CHERP: variants seen among roughly 807,000 people sequenced by gnomAD.
CHERP encodes ERPROT 213-21.
In CHERP, 8 loss-of-function variants were observed where a neutral mutation model predicts 113.8. The observed-to-expected ratio is 0.07, with a 90% CI of 0.04 to 0.13. The LOEUF is 0.13. CHERP is among the 10% of genes least tolerant of loss of function. The pLI is 1.00. For synonymous variants in CHERP, 559 were observed against 524.5 expected, an observed-to-expected ratio of 1.07 and a Z score of -0.90; for missense variants, 884 against 1,298.2, an observed-to-expected ratio of 0.68 and a Z score of 4.90.
rs376460671 is a variant in CHERP at position 16,530,573 on chromosome 19, A to C, written c.876+12T>G. 5.3e-4 allele frequency: 853 copies of C among 1,612,322 alleles called. 1 individual carries two copies. Among genetic ancestry groups the C allele is most frequent in the Non-Finnish European group, 7.1e-4 (837 of 1,178,558 alleles). On this transcript the variant is annotated intron_variant, in intron 7 of 16. Transcript: ENST00000546361. The surrounding 1 kb of genome is among the most constrained non-coding windows in gnomAD (Gnocchi z 4.1). ...GCTCTAGGGTGAGGTGTGGGTGGGC[A>C]GGGACACTCACCTGGTACTGACCAA...
chr19:16,521,460 G>C, intron 12 of CHERP, 61 bp downstream of exon 12: 1 of 1,448,616 alleles, frequency 6.9e-7, no homozygotes, highest in South Asian at 1.4e-5. Flanking sequence ...AGGTGTGGTT[G>C]CAGGGAGCCG....
At position 16,519,010 on chromosome 19, in the gene CHERP, T is replaced by C. The variant is rs761523635; in HGVS notation, c.*149A>G. ...TGGAGCACGGCGTTCCCACTGGGCA[T>C]GCGCTGGTCTTCCTTCTCTTCCTGT... On this transcript the variant is annotated 3_prime_UTR_variant, in exon 17 of 17. Coordinates refer to ENST00000546361, the MANE Select transcript of CHERP (RefSeq NM_006387.6). The surrounding 1 kb of genome is among the most constrained non-coding windows in gnomAD (Gnocchi z 6.0). 32 of 750,986 alleles carry C rather than the reference T, an allele frequency of 4.3e-5. No individual in the cohort carries two copies. The highest frequency in any genetic ancestry group is 1.1e-4 in the South Asian group (6 of 53,982). 46.5% of individuals were successfully genotyped at this position (750,986 alleles called of 1,614,324 possible).
At position 16,530,884 on chromosome 19, in the gene CHERP, T is replaced by C. The variant is rs1227090986; in HGVS notation, c.675-4A>G. The C allele has an allele frequency of 1.2e-6, 2 of 1,612,640 alleles. No individual in the cohort carries two copies. The highest frequency in any genetic ancestry group is 2.2e-5 in the East Asian group (1 of 44,874). On this transcript the variant is annotated splice_region_variant and splice_polypyrimidine_tract_variant and intron_variant, in intron 5 of 16. Transcript: ENST00000546361. The surrounding 1 kb of genome is among the most constrained non-coding windows in gnomAD (Gnocchi z 4.1). ...CTCCCGGGCCTGCTTGCGCTGGCTG[T>C]GAGGGAGAGACTTTCCGCGCGTCAG... is the stretch of plus-strand genomic sequence containing the variant.
chr19:16,521,403 AG>A, intron 12 of CHERP, 117 bp downstream of exon 12: 1 of 869,392 alleles, frequency 1.2e-6, no homozygotes, highest in Non-Finnish European at 1.7e-6. Context: ...AGGCGGGGGG[AG>A]GGCAGTTTCT....
Position 16,530,804 on chromosome 19 carries a change from C to G in CHERP, c.751G>C (p.Ala251Pro). 6.2e-7 allele frequency: 1 copy of G among 1,614,000 alleles called. No homozygotes were observed. The highest frequency in any genetic ancestry group is 8.5e-7 in the Non-Finnish European group (1 of 1,179,996). ...VVPIYCTSFLAVEEDKQQKIA... is the reference protein window; with the variant it reads ...VVPIYCTSFLPVEEDKQQKIA... Reference sequence around the variant, plus strand: ...TTCTGCTGCTTGTCTTCCTCCACGGCCAAGAAGCTGGTGCAGTAGATGGGC... The same window carrying G: ...TTCTGCTGCTTGTCTTCCTCCACGGGCAAGAAGCTGGTGCAGTAGATGGGC... Residue 251 changes from alanine (A) to proline (P), a missense_variant, in exon 6 of 17, where the codon GCC becomes CCC. By Grantham distance (27) the Ala-to-Pro change is conservative. This residue lies in a region of CHERP where 73 missense variants were observed against 182.4 expected (regional missense o/e 0.40). Transcript: ENST00000546361. The surrounding 1 kb of genome is among the most constrained non-coding windows in gnomAD (Gnocchi z 4.1).
At chr19:16,521,261 C>T (rs913964769) in intron 12 of CHERP, 14 of 567,322 alleles carry the variant, frequency 2.5e-5, no homozygotes, top group African/African-American at 1.9e-4. Context: ...GGCTGAGGGC[C>T]CTGTGGCAGC....
rs377203890 is a variant in CHERP at position 16,523,019 on chromosome 19, G to A, written c.1980+33C>T. The A allele has an allele frequency of 2.7e-5, 41 of 1,492,208 alleles. No homozygotes were observed. In the Middle Eastern group the frequency reaches 5.4e-4, roughly 19 times the overall value. The allele number at this position is 1,492,208 out of a possible 1,614,324, so 92.4% of individuals were successfully genotyped here. ...AGAAACGGGGACCAGTATGGTAAGC[G>A]TGCTCAGCTTGGAGCCCACTGTGGG... On this transcript the variant is annotated intron_variant, in intron 11 of 16. Transcript: ENST00000546361. This position sits in a 1 kb window ranked among gnomAD's most constrained non-coding sequence, Gnocchi z 4.0.
chr19:16,524,425 G>A (rs528334825), intron 10 of CHERP, among the ~76,000 whole-genome samples: 3 of 151,576 alleles, frequency 2.0e-5, no homozygotes, highest in East Asian at 1.9e-4. Context: ...GCATGGTGGC[G>A]CACACCTGTA....
At chr19:16,528,642 A>G (rs773058982) in intron 8 of CHERP, among the ~76,000 whole-genome samples, 6 of 152,168 alleles carry the variant, frequency 3.9e-5, no homozygotes, top group Non-Finnish European at 8.8e-5. Context: ...ATCTTCTTTG[A>G]TCAGAATGTA....
At position 16,532,132 on chromosome 19, in the gene CHERP, G is replaced by C. The variant is rs2085709652; in HGVS notation, c.674+466C>G. 6.3e-6 allele frequency: 1 copy of C among 158,872 alleles called. No homozygotes were observed. 9.8% of individuals were successfully genotyped at this position (158,872 alleles called of 1,614,324 possible). On this transcript the variant is annotated intron_variant, in intron 5 of 16. Coordinates refer to ENST00000546361, the MANE Select transcript of CHERP (RefSeq NM_006387.6). This position sits in a 1 kb window ranked among gnomAD's most constrained non-coding sequence, Gnocchi z 4.4. ...TGGCTCTGTTGAAGCCTGAGAGATGGGTCAGGGCTGGAGAAGGGGATCCCA... is the reference window on the plus strand; with the variant it reads ...TGGCTCTGTTGAAGCCTGAGAGATGCGTCAGGGCTGGAGAAGGGGATCCCA...
chr19:16,521,869 T>C (rs2085618735), intron 11 of CHERP, among the ~76,000 whole-genome samples: 1 of 152,224 alleles, frequency 6.6e-6, no homozygotes, highest in Non-Finnish European at 1.5e-5. Context: ...CTGAGGCTGA[T>C]GACAGTCACA....
In CHERP at chr19:16,520,454, C is replaced by T. The variant is rs541504061; in HGVS notation, c.2255G>A (p.Arg752His). The stretch of plus-strand genomic sequence containing the variant: ...AGACTTGGAGGATCTTGAGTTGGAG[C>T]GGGAGGAAGAACGCCCTCGACTCTT... ...RSKSRGRSSS[R>H]SNSRSSKSSG... Residue 752 changes from arginine to histidine, a missense_variant, in exon 14 of 17, where the codon CGC becomes CAC. By Grantham distance (29) the Arg-to-His change is conservative. Coordinates refer to ENST00000546361, the MANE Select transcript of CHERP (RefSeq NM_006387.6). This position sits in a 1 kb window ranked among gnomAD's most constrained non-coding sequence, Gnocchi z 4.0. 27 of 1,613,950 alleles carry T rather than the reference C, an allele frequency of 1.7e-5. No individual in the cohort carries two copies. Among genetic ancestry groups the T allele is most frequent in the South Asian group, 4.4e-5 (4 of 91,074 alleles).
At position 16,530,599 on chromosome 19, in the gene CHERP, G is replaced by A. The variant is rs1375137389; in HGVS notation, c.862C>T (p.Leu288Phe). The A allele has an allele frequency of 6.2e-7, 1 of 1,613,994 alleles. No individual in the cohort carries two copies. Among genetic ancestry groups the A allele is most frequent in the Non-Finnish European group, 8.5e-7 (1 of 1,179,912 alleles). ...GGGACACTCACCTGGTACTGACCAA[G>A]CCCCAGGGCTGGGCTCTGTAGCTGC... is the stretch of plus-strand genomic sequence containing the variant. Reference protein sequence around the residue: ...IQQLQSPALGLGQYQATLINE... With the variant: ...IQQLQSPALGFGQYQATLINE... The change falls in exon 7 of 17, where the codon CTT (leucine) becomes TTT (phenylalanine). Residue 288 changes from leucine to phenylalanine, a missense_variant. By Grantham distance (22) the Leu-to-Phe change is conservative (BLOSUM62 0). Transcript: ENST00000546361. The surrounding 1 kb of genome is among the most constrained non-coding windows in gnomAD (Gnocchi z 4.1).
In CHERP at chr19:16,520,614, G is replaced by A; in HGVS notation, c.2202-107C>T. On this transcript the variant is annotated intron_variant, in intron 13 of 16. Transcript: ENST00000546361. The surrounding 1 kb of genome is among the most constrained non-coding windows in gnomAD (Gnocchi z 4.0). ...CCCCAGATGCAGGGGCTCTGGCTGT[G>A]GATGTGGCGCCATAGCCACAGCAAC... is the stretch of plus-strand genomic sequence containing the variant. The A allele has an allele frequency of 1.5e-6, 2 of 1,351,436 alleles. No individual in the cohort carries two copies. The highest frequency in any genetic ancestry group is 1.0e-6 in the Non-Finnish European group (1 of 974,120). 83.7% of individuals were successfully genotyped at this position (1,351,436 alleles called of 1,614,324 possible).
chr19:16,540,046 A>G (rs2122291879), intron 2 of CHERP: 1 of 150,272 alleles, frequency 6.7e-6, no homozygotes, highest in East Asian at 2.0e-4. Context: ...GCAATGTTCT[A>G]CTCTCTCAGC....
intron 1 of CHERP, 28 bp downstream of exon 1, chr19:16,542,326 A>G (rs771180963): frequency 9.2e-6 from 13 of 1,409,166 alleles, no homozygotes; most frequent in Non-Finnish European, 1.2e-5. Context: ...GGAGAGAGAA[A>G]CGGTCTCTCG....
At chr19:16,537,263 T>C (rs1031739256) in intron 2 of CHERP, among the ~76,000 whole-genome samples, 1 of 150,442 alleles carries the variant, frequency 6.6e-6, no homozygotes, top group Non-Finnish European at 1.5e-5. Flanking sequence ...TTGGCCTCCA[T>C]GTGTTCGCCC....
Position 16,519,801 on chromosome 19 carries a change from T to G in CHERP, c.2463-86A>C. On this transcript the variant is annotated intron_variant, in intron 15 of 16. Coordinates refer to ENST00000546361, the MANE Select transcript of CHERP (RefSeq NM_006387.6). The surrounding 1 kb of genome is among the most constrained non-coding windows in gnomAD (Gnocchi z 6.0). ...TGATGAGGACCTCACAGCCGCAGCT[T>G]GCGTGCATGCTCACTGTCACCAGGT... The G allele has an allele frequency of 8.7e-7, 1 of 1,143,874 alleles. No homozygotes were observed. The allele number at this position is 1,143,874 out of a possible 1,614,324, so 70.9% of individuals were successfully genotyped here.
chr19:16,532,526 A>T lies in CHERP; in HGVS notation c.674+72T>A. 3 of 1,471,348 alleles carry T rather than the reference A, an allele frequency of 2.0e-6. No individual in the cohort carries two copies. The highest frequency in any genetic ancestry group is 5.0e-5 in the East Asian group (2 of 40,236). The allele number at this position is 1,471,348 out of a possible 1,614,324, so 91.1% of individuals were successfully genotyped here. ...GCCAAGCCAAGCTACCGACCGGAGC[A>T]AGCGGCCACCCAGGAGGGTTGAGGA... is the stretch of plus-strand genomic sequence containing the variant. On this transcript the variant is annotated intron_variant, in intron 5 of 16. Transcript: ENST00000546361. The surrounding 1 kb of genome is among the most constrained non-coding windows in gnomAD (Gnocchi z 4.4).
Sources: allele counts gnomAD v4.1 joint callset (sites outside exome capture counted in the v4.1 genomes callset), GRCh38; gene constraint gnomAD v4.1.1; regional missense constraint gnomAD v4.1.1; non-coding constraint Gnocchi (gnomAD v3.1); transcripts MANE v1.5; gene names NCBI Gene and HGNC (gene_info 2026-07-23, HGNC 2026-07-21).